The following CFAP58 variants were observed in gnomAD, a reference collection of about 807,000 sequenced individuals.
The protein encoded by CFAP58 is cilia and flagella associated protein 58, also known as cilia- and flagella-associated protein 58.
Under a neutral mutation model 119.5 loss-of-function variants are expected in CFAP58, and 88 were observed. That is an observed-to-expected ratio of 0.74 (90% CI 0.62 to 0.88). The LOEUF is 0.88. Ranked by LOEUF, CFAP58 falls within the 40% of genes least tolerant of loss-of-function variation. The pLI is 0.00. For synonymous variants in CFAP58, 365 were observed against 366.3 expected (o/e 1.00, Z 0.04); for missense variants, 990 against 1,021.2 (o/e 0.97, Z 0.42).
intron 15 of CFAP58, among the ~76,000 whole-genome samples, chr10:104,432,012 G>A (rs1298198650): frequency 6.6e-6 from 1 of 151,968 alleles, no homozygotes; most frequent in African/African-American, 2.4e-5. Context: ...TATTGCAAAA[G>A]TGTTTCAGGG....
At chr10:104,415,429 G>A (rs537881642) in intron 15 of CFAP58, among the ~76,000 whole-genome samples, 1 of 152,302 alleles carries the variant, frequency 6.6e-6, no homozygotes, top group South Asian at 2.1e-4. Flanking sequence ...TTTGTTCAAT[G>A]ACTCCCATTC....
In CFAP58 at chr10:104,450,100, A is replaced by G. The variant is rs1476082734; in HGVS notation, c.2406A>G (p.Glu802=). 8 of 1,609,634 alleles carry G rather than the reference A, an allele frequency of 5.0e-6. No homozygotes were observed. Among genetic ancestry groups the G allele is most frequent in the Non-Finnish European group, 6.8e-6 (8 of 1,178,644 alleles). The change falls in exon 17 of 18, where the codon GAA becomes GAG. Residue 802 remains glutamate, a synonymous_variant. Transcript: ENST00000369704. ...TGTCTTCAGAATTGAATATGTATGA[A>G]GTACAGAGCAAAGAATATAAATATG... ...KVLSSELNMY[E]VQSKEYKYEV... is the part of the protein sequence containing the mutation.
chr10:104,403,083 C>G (rs923168274), intron 13 of CFAP58, among the ~76,000 whole-genome samples: 2 of 152,152 alleles, frequency 1.3e-5, no homozygotes, highest in African/African-American at 2.4e-5. Flanking sequence ...CTCTGTGTCC[C>G]CACCCACATC....
At chr10:104,450,267 G>T in intron 17 of CFAP58, 63 bp downstream of exon 17, 3 of 1,559,718 alleles carry the variant, frequency 1.9e-6, no homozygotes, top group Non-Finnish European at 2.6e-6. Context: ...GAAAATATTT[G>T]GTGAACAGTC....
chr10:104,386,971 A>T (rs1430233095), intron 9 of CFAP58, among the ~76,000 whole-genome samples: 1 of 152,160 alleles, frequency 6.6e-6, no homozygotes, highest in African/African-American at 2.4e-5. Flanking sequence ...CAGCATCAAC[A>T]TTTGCCTTCG....
intron 1 of CFAP58, among the ~76,000 whole-genome samples, chr10:104,355,984 C>T (rs1263117290): frequency 1.3e-5 from 2 of 152,178 alleles, no homozygotes; most frequent in Admixed American, 1.3e-4. Context: ...GAACCAAGAA[C>T]AGTGCAGTGA....
intron 15 of CFAP58, among the ~76,000 whole-genome samples, chr10:104,415,984 G>A (rs2012545914): frequency 6.6e-6 from 1 of 152,152 alleles, no homozygotes; most frequent in Admixed American, 6.5e-5. Context: ...AGCGTATGGT[G>A]GTGAGTACAC....
intron 5 of CFAP58, among the ~76,000 whole-genome samples, chr10:104,367,198 T>C (rs1389168731): frequency 1.3e-5 from 2 of 152,186 alleles, no homozygotes; most frequent in Non-Finnish European, 2.9e-5. Flanking sequence ...TTTAGCAAAC[T>C]AGGGTCAGTC....
At chr10:104,360,787 T>C (rs1055662943) in intron 2 of CFAP58, among the ~76,000 whole-genome samples, 2 of 152,200 alleles carry the variant, frequency 1.3e-5, no homozygotes, top group African/African-American at 4.8e-5. Context: ...TCTAGCTCCA[T>C]CCATGTCCTT....
At chr10:104,370,232 G>C (rs902426236) in intron 6 of CFAP58, among the ~76,000 whole-genome samples, 2 of 152,156 alleles carry the variant, frequency 1.3e-5, no homozygotes, top group Non-Finnish European at 2.9e-5. Context: ...TTTTTGATAC[G>C]TACAACTTAG....
intron 8 of CFAP58, among the ~76,000 whole-genome samples, chr10:104,377,928 T>C (rs1159202252): frequency 6.6e-6 from 1 of 152,210 alleles, no homozygotes; most frequent in African/African-American, 2.4e-5. Context: ...ATATAAACAA[T>C]AGTGTTGGAT....
At chr10:104,382,986 G>T (rs2011848565) in intron 9 of CFAP58, among the ~76,000 whole-genome samples, 1 of 152,196 alleles carries the variant, frequency 6.6e-6, no homozygotes, top group Non-Finnish European at 1.5e-5. Flanking sequence ...GATGCCAGCT[G>T]CCCAGGTCCC....
chr10:104,340,137 C>T, the CFAP58 span, among the ~76,000 whole-genome samples: 1 of 152,136 alleles, frequency 6.6e-6, no homozygotes, highest in Non-Finnish European at 1.5e-5. Flanking sequence ...CTGATTGGTT[C>T]CTGTCTGTTC....
At chr10:104,393,511 T>A (rs761708432) in intron 11 of CFAP58, 36 bp downstream of exon 11, 2 of 1,578,038 alleles carry the variant, frequency 1.3e-6, no homozygotes, top group African/African-American at 2.7e-5. Context: ...GTACCAACAG[T>A]TCATCAGCCC....
intron 9 of CFAP58, among the ~76,000 whole-genome samples, chr10:104,383,191 A>C (rs2011852413): frequency 6.6e-6 from 1 of 152,206 alleles, no homozygotes; most frequent in Non-Finnish European, 1.5e-5. Context: ...TGCTCAGGTC[A>C]AGCTCCCTCT....
At chr10:104,438,341 G>GTTTTTTTTT (rs1325921091) in intron 15 of CFAP58, among the ~76,000 whole-genome samples, 2 of 101,304 alleles carry the variant, frequency 2.0e-5, no homozygotes, top group African/African-American at 9.1e-5. Context: ...TTTGTTTTTT[G>GTTTTTTTTT]TTTTTTGTTT....
At chr10:104,405,278 C>A (rs2012340521) in intron 14 of CFAP58, among the ~76,000 whole-genome samples, 1 of 152,068 alleles carries the variant, frequency 6.6e-6, no homozygotes, top group Admixed American at 6.6e-5. Flanking sequence ...TCTTTTGGAC[C>A]CTCATTCCTT....
intron 15 of CFAP58, among the ~76,000 whole-genome samples, chr10:104,428,841 G>C (rs543864218): frequency 7.2e-5 from 11 of 152,318 alleles, no homozygotes; most frequent in Admixed American, 2.6e-4. Flanking sequence ...GGAGGTTGGG[G>C]TCACTTAAGG....
intron 15 of CFAP58, among the ~76,000 whole-genome samples, chr10:104,442,587 CAAAAAAA>C (rs1210585369): frequency 3.1e-5 from 2 of 65,558 alleles, no homozygotes; most frequent in African/African-American, 5.9e-5. Flanking sequence ...GACTCCATTT[CAAAAAAA>C]AAAAAAAAAA....
Sources: allele counts gnomAD v4.1 joint callset (sites outside exome capture counted in the v4.1 genomes callset), GRCh38; gene constraint gnomAD v4.1.1; transcripts MANE v1.5; gene names NCBI Gene and HGNC (gene_info 2026-07-23, HGNC 2026-07-21).